Variants in KCNIP4 observed in about 807,000 individuals in gnomAD.
The protein encoded by KCNIP4 is potassium voltage-gated channel interacting protein 4.
Under a neutral mutation model 34.0 loss-of-function variants are expected in KCNIP4, and 12 were observed. The ratio of observed to expected loss-of-function variants is 0.35; its 90% CI spans 0.23 to 0.57. The LOEUF is 0.57. Ranked by LOEUF, KCNIP4 falls within the 20% of genes least tolerant of loss-of-function variation. The pLI is 0.83. For synonymous variants in KCNIP4, 124 were observed against 102.2 expected (o/e 1.21, Z -1.29); for missense variants, 238 against 311.7 (o/e 0.76, Z 1.78).
intron 1 of KCNIP4, among the ~76,000 whole-genome samples, chr4:21,073,622 C>A (rs566887727): frequency 3.3e-5 from 5 of 152,254 alleles, no homozygotes; most frequent in Middle Eastern, 3.4e-3. Flanking sequence ...ATTGAATACC[C>A]TTTATTTCTT....
chr4:21,922,083 G>A (rs1402040687), intron 1 of KCNIP4, among the ~76,000 whole-genome samples: 1 of 152,066 alleles, frequency 6.6e-6, no homozygotes, highest in Non-Finnish European at 1.5e-5. Context: ...AGTTTATTCT[G>A]CTTTGGAGTC....
At chr4:21,069,113 T>C (rs952540758) in intron 1 of KCNIP4, among the ~76,000 whole-genome samples, 4 of 152,236 alleles carry the variant, frequency 2.6e-5, no homozygotes, top group African/African-American at 9.6e-5. Flanking sequence ...GTAAAATGCA[T>C]AGATAACTAC....
intron 1 of KCNIP4, among the ~76,000 whole-genome samples, chr4:21,734,937 C>T (rs1269464127): frequency 1.3e-5 from 2 of 151,888 alleles, no homozygotes; most frequent in East Asian, 3.9e-4. Context: ...AATGACTTCG[C>T]TCCTATAAAT....
intron 3 of KCNIP4, among the ~76,000 whole-genome samples, chr4:20,781,485 C>T (rs764562484): frequency 1.3e-5 from 2 of 152,132 alleles, no homozygotes; most frequent in Non-Finnish European, 2.9e-5. Context: ...TTTAATTGGA[C>T]GTACAGTTCC....
At chr4:21,788,243 CAATAT>C (rs1720038849) in intron 1 of KCNIP4, among the ~76,000 whole-genome samples, 1 of 149,736 alleles carries the variant, frequency 6.7e-6, no homozygotes, top group African/African-American at 2.4e-5. Flanking sequence ...AAGCAATGGA[CAATAT>C]AAACAAGGAG....
chr4:21,007,451 T>A (rs1738670726), intron 1 of KCNIP4, among the ~76,000 whole-genome samples: 1 of 152,206 alleles, frequency 6.6e-6, no homozygotes, highest in African/African-American at 2.4e-5. Context: ...GATATTTAGA[T>A]AGACTATTGT....
At chr4:20,765,036 C>G (rs747304018) in intron 3 of KCNIP4, among the ~76,000 whole-genome samples, 7 of 152,202 alleles carry the variant, frequency 4.6e-5, no homozygotes, top group Non-Finnish European at 8.8e-5. Context: ...TTGAGTCACA[C>G]AGGTTTTGAC....
chr4:21,793,014 T>A (rs552877870), intron 1 of KCNIP4, among the ~76,000 whole-genome samples: 1 of 152,226 alleles, frequency 6.6e-6, no homozygotes, highest in East Asian at 1.9e-4. Flanking sequence ...GCCTTAGGTG[T>A]TTGGGGGCAG....
chr4:21,592,047 T>C (rs753100727), intron 1 of KCNIP4, among the ~76,000 whole-genome samples: 5 of 152,018 alleles, frequency 3.3e-5, no homozygotes, highest in Non-Finnish European at 7.4e-5. Flanking sequence ...GGGATAGTCA[T>C]GGGAAAATAT....
chr4:20,860,018 G>A (rs949452930), intron 2 of KCNIP4, among the ~76,000 whole-genome samples: 2 of 152,134 alleles, frequency 1.3e-5, no homozygotes, highest in South Asian at 4.1e-4. Context: ...AATACGGGAA[G>A]GATTATCTTA....
chr4:21,388,183 C>A (rs1012812066), intron 1 of KCNIP4, among the ~76,000 whole-genome samples: 1 of 150,020 alleles, frequency 6.7e-6, no homozygotes, highest in South Asian at 2.1e-4. Flanking sequence ...TAAATTATAA[C>A]GGATTACCAT....
At chr4:21,387,928 T>A (rs1722177739) in intron 1 of KCNIP4, among the ~76,000 whole-genome samples, 1 of 152,166 alleles carries the variant, frequency 6.6e-6, no homozygotes, top group African/African-American at 2.4e-5. Context: ...CTCCTGAATA[T>A]CTCAGCTTGC....
intron 3 of KCNIP4, among the ~76,000 whole-genome samples, chr4:20,807,818 G>A (rs931711651): frequency 6.6e-6 from 1 of 152,086 alleles, no homozygotes; most frequent in Admixed American, 6.6e-5. Flanking sequence ...ACAATTCTTG[G>A]CACTAAGATT....
intron 1 of KCNIP4, among the ~76,000 whole-genome samples, chr4:21,739,031 C>A (rs987399554): frequency 6.6e-6 from 1 of 152,038 alleles, no homozygotes; most frequent in Non-Finnish European, 1.5e-5. Flanking sequence ...AGTGAAAGAC[C>A]GTTGACCCAA....
At chr4:20,921,215 G>C (rs1036304053) in intron 1 of KCNIP4, among the ~76,000 whole-genome samples, 13 of 152,148 alleles carry the variant, frequency 8.5e-5, no homozygotes, top group Non-Finnish European at 2.9e-5. Context: ...TGGAGATAGA[G>C]AATTCTAAGT....
intron 2 of KCNIP4, among the ~76,000 whole-genome samples, chr4:20,876,138 A>T (rs990754406): frequency 1.3e-5 from 2 of 152,226 alleles, no homozygotes; most frequent in African/African-American, 4.8e-5. Context: ...TGCTGGGTAG[A>T]TGTTGTTATG....
In KCNIP4 at chr4:21,873,572, A is replaced by C. The variant is rs191561809; in HGVS notation, c.61+74999T>G. ...AAAATGTTTGGTCAATGAATGATTC[A>C]CTGAATTCACTGTTGAAAGACTGAA... is the stretch of plus-strand genomic sequence containing the variant. On this transcript the variant is annotated intron_variant, in intron 1 of 8. Coordinates refer to ENST00000382152, the MANE Select transcript of KCNIP4 (RefSeq NM_025221.6). Among the ~76,000 whole-genome samples, 228 of 152,358 alleles carry C rather than the reference A, an allele frequency of 1.5e-3. 1 individual carries two copies. The highest frequency in any genetic ancestry group is 5.2e-3 in the African/African-American group (215 of 41,584).
intron 1 of KCNIP4, among the ~76,000 whole-genome samples, chr4:21,109,133 G>A (rs12504117): frequency 0.27 from 40,758 of 149,574 alleles, 4,834 homozygotes; most frequent in African/African-American, 0.41. Context: ...CTTCAAAGCT[G>A]TCAGACAGGG....
chr4:21,484,358 T>C (rs78648443), intron 1 of KCNIP4, among the ~76,000 whole-genome samples: 18,871 of 151,676 alleles, frequency 0.12, 1,344 homozygotes, highest in South Asian at 0.22. Context: ...ACCTGGGAGG[T>C]GGAGGTTGCA....
Sources: allele counts gnomAD v4.1 joint callset (sites outside exome capture counted in the v4.1 genomes callset), GRCh38; gene constraint gnomAD v4.1.1; transcripts MANE v1.5; gene names NCBI Gene and HGNC (gene_info 2026-07-23, HGNC 2026-07-21).